ADCK1: variants seen among roughly 807,000 people sequenced by gnomAD.
ADCK1 encodes aarF domain containing kinase 1, also known as aarF domain-containing protein kinase 1.
ADCK1 carries 41 observed loss-of-function variants against 52.3 expected under a neutral mutation model. The ratio of observed to expected loss-of-function variants is 0.78; its 90% CI spans 0.61 to 1.02. The LOEUF (loss-of-function observed/expected upper bound fraction) is 1.02. Ranked by LOEUF, ADCK1 falls within the 50% of genes least tolerant of loss-of-function variation. The pLI, the probability that ADCK1 is intolerant of heterozygous loss-of-function variation, is 0.00. For synonymous variants in ADCK1, 250 were observed against 274.6 expected, an observed-to-expected ratio of 0.91 and a Z score of 0.89; for missense variants, 658 against 679.5, an observed-to-expected ratio of 0.97 and a Z score of 0.35.
chr14:77,852,697 A>T (rs1225541258), intron 3 of ADCK1, among the ~76,000 whole-genome samples: 1 of 80,858 alleles, frequency 1.2e-5, no homozygotes, highest in South Asian at 4.6e-4. Flanking sequence ...ATATATATAT[A>T]TATATATTTC....
intron 4 of ADCK1, among the ~76,000 whole-genome samples, chr14:77,859,725 C>T (rs552792233): frequency 6.6e-6 from 1 of 152,286 alleles, no homozygotes; most frequent in African/African-American, 2.4e-5. Context: ...TTGATCTTGG[C>T]ACCTCACTTT....
At chr14:77,930,487 G>A (rs1171544991) in intron 9 of ADCK1, among the ~76,000 whole-genome samples, 1 of 152,134 alleles carries the variant, frequency 6.6e-6, no homozygotes, top group Non-Finnish European at 1.5e-5. Flanking sequence ...ATTTTTGGGT[G>A]AGGACACTAA....
chr14:77,923,504 T>C lies in ADCK1; in HGVS notation c.859-953T>C, dbSNP rs1218848572. On this transcript the variant is annotated intron_variant, in intron 7 of 10. Transcript: ENST00000238561. This position sits in a 1 kb window ranked among gnomAD's most constrained non-coding sequence, Gnocchi z 4.3. Reference sequence around the variant, plus strand: ...GAATTTTTAAGATCCCAATCCTGTGTTCCCCACCCGTGGGCCCCAGCTCCT... The same window carrying C: ...GAATTTTTAAGATCCCAATCCTGTGCTCCCCACCCGTGGGCCCCAGCTCCT... 1.3e-5 allele frequency: 2 copies of C among 152,256 alleles called. No homozygotes were observed. Among genetic ancestry groups the C allele is most frequent in the African/African-American group, 4.8e-5 (2 of 41,444 alleles). 9.4% of individuals were successfully genotyped at this position (152,256 alleles called of 1,614,324 possible). A position where few individuals can be genotyped will look rare whatever the true frequency, so the allele number is the denominator to read the frequency against.
intron 8 of ADCK1, 71 bp downstream of exon 8, chr14:77,924,677 G>A (rs2084146379): frequency 3.2e-6 from 5 of 1,577,918 alleles, no homozygotes; most frequent in Non-Finnish European, 4.3e-6. Context: ...CTAATTAGCT[G>A]CAGAACCGGG....
intron 9 of ADCK1, among the ~76,000 whole-genome samples, chr14:77,927,542 A>G (rs1034896004): frequency 3.3e-5 from 5 of 152,226 alleles, no homozygotes; most frequent in East Asian, 1.9e-4. Context: ...TGGTTGAGGG[A>G]GACAGACAGT....
chr14:77,853,274 C>T (rs559987042), intron 3 of ADCK1, among the ~76,000 whole-genome samples: 142 of 151,822 alleles, frequency 9.4e-4, no homozygotes, highest in Non-Finnish European at 1.2e-3. Flanking sequence ...TGCATGCCAC[C>T]GTGTCTAGCT....
chr14:77,875,489 TA>T (rs11365781), intron 4 of ADCK1, among the ~76,000 whole-genome samples: 79,867 of 149,890 alleles, frequency 0.53, 21,378 homozygotes, highest in South Asian at 0.65. Context: ...TTCTAGATAT[TA>T]AAAAAAAAAG....
intron 6 of ADCK1, among the ~76,000 whole-genome samples, chr14:77,901,920 T>A (rs2083556494): frequency 6.6e-6 from 1 of 152,080 alleles, no homozygotes; most frequent in Admixed American, 6.5e-5. Flanking sequence ...TTCCCTCTTC[T>A]TTACCAGGCC....
intron 5 of ADCK1, among the ~76,000 whole-genome samples, chr14:77,887,835 G>A (rs1318458771): frequency 6.6e-6 from 1 of 152,204 alleles, no homozygotes; most frequent in Non-Finnish European, 1.5e-5. Flanking sequence ...GCCACTGCTT[G>A]AGTCAGTAGC....
intron 3 of ADCK1, among the ~76,000 whole-genome samples, chr14:77,824,087 C>CA (rs1206563586): frequency 6.6e-6 from 1 of 151,762 alleles, no homozygotes; most frequent in African/African-American, 2.4e-5. Flanking sequence ...TTAGTAGAGA[C>CA]AGGGTTTCGC....
intron 3 of ADCK1, among the ~76,000 whole-genome samples, chr14:77,844,608 G>A (rs7156202): frequency 0.23 from 34,998 of 151,950 alleles, 5,087 homozygotes; most frequent in African/African-American, 0.41. Flanking sequence ...CAGATTGGGC[G>A]TTGGCCTGGA....
At chr14:77,805,710 C>T (rs28725265) in intron 1 of ADCK1, among the ~76,000 whole-genome samples, 4,452 of 151,926 alleles carry the variant, frequency 0.029, 208 homozygotes, top group African/African-American at 0.1. Flanking sequence ...TGGAGTAGAA[C>T]GAGTGAAGGG....
At chr14:77,801,800 G>A (rs991588141) in intron 1 of ADCK1, among the ~76,000 whole-genome samples, 1 of 152,092 alleles carries the variant, frequency 6.6e-6, no homozygotes, top group African/African-American at 2.4e-5. Flanking sequence ...AAATTACCTG[G>A]GCGTAGTGGT....
At chr14:77,830,827 TC>T (rs1292895504) in intron 3 of ADCK1, among the ~76,000 whole-genome samples, 24 of 152,202 alleles carry the variant, frequency 1.6e-4, no homozygotes, top group Non-Finnish European at 2.9e-4. Context: ...AAATTCTTGT[TC>T]CCAGGTAGGT....
chr14:77,816,569 T>C (rs2140021505), intron 1 of ADCK1, among the ~76,000 whole-genome samples: 1 of 152,262 alleles, frequency 6.6e-6, no homozygotes, highest in South Asian at 2.1e-4. Context: ...GTGGTGCGCC[T>C]AGGGAAGTCC....
rs535108118 is a variant in ADCK1, at chr14:77,850,142, G to A, written c.220-8934G>A. 2.6e-4 allele frequency among the ~76,000 whole-genome samples: 39 copies of A among 152,304 alleles called. No individual in the cohort carries two copies. In the East Asian group the frequency reaches 5.6e-3, roughly 22 times the overall value. On this transcript the variant is annotated intron_variant, in intron 3 of 10. Transcript: ENST00000238561. ...AACTCCCTTGAGGCCAAGAGTTCAA[G>A]GCTGCAGTAAACAATGATGGTGTCA...
intron 7 of ADCK1, among the ~76,000 whole-genome samples, chr14:77,910,818 C>A (rs778236908): frequency 6.6e-6 from 1 of 152,174 alleles, no homozygotes; most frequent in African/African-American, 2.4e-5. Context: ...GCAGGGCGTA[C>A]CCTCTGAGGA....
chr14:77,902,925 T>C lies in ADCK1; in HGVS notation c.741+3667T>C, dbSNP rs1183570361. On this transcript the variant is annotated intron_variant, in intron 6 of 10. Transcript: ENST00000238561. Reference sequence around the variant, plus strand: ...AGGAGCTAGGGCAACATCCCAGATTTTCTGACTTCAAGTGTGGTGCTCCTC... The same window carrying C: ...AGGAGCTAGGGCAACATCCCAGATTCTCTGACTTCAAGTGTGGTGCTCCTC... Among the ~76,000 whole-genome samples, 3 of 152,230 alleles carry C rather than the reference T, an allele frequency of 2.0e-5. No individual in the cohort carries two copies. The East Asian group carries it at 5.8e-4, about 29-fold the overall frequency.
intron 4 of ADCK1, among the ~76,000 whole-genome samples, chr14:77,865,961 T>C (rs1337518374): frequency 6.6e-6 from 1 of 152,202 alleles, no homozygotes; most frequent in East Asian, 1.9e-4. Context: ...GACTCGTAAA[T>C]GGCAGAGTTC....
Sources: gnomAD v4.1 joint callset for allele counts (sites outside exome capture counted in the v4.1 genomes callset) on GRCh38, gnomAD v4.1.1 for gene constraint, Gnocchi (gnomAD v3.1) non-coding constraint, MANE v1.5 for transcripts, NCBI Gene and HGNC (gene_info 2026-07-23, HGNC 2026-07-21) for gene names.